Variants in KHDRBS2 observed in about 807,000 individuals in gnomAD.
KHDRBS2 encodes KH RNA binding domain containing, signal transduction associated 2, also known as KH domain-containing, RNA-binding, signal transduction-associated protein 2.
In KHDRBS2, 26 loss-of-function variants were observed where a neutral mutation model predicts 44.3. The ratio of observed to expected loss-of-function variants is 0.59; its 90% confidence interval spans 0.43 to 0.81. The LOEUF (loss-of-function observed/expected upper bound fraction) is 0.81. Among genes scored for constraint, KHDRBS2 ranks in the 40% least tolerant of loss-of-function variants. KHDRBS2 has a pLI of 0.00. For missense variants in KHDRBS2, 476 were observed against 433.1 expected (o/e 1.10, Z -0.88); for synonymous variants, 194 against 151.1 (o/e 1.28, Z -2.08).
intron 6 of KHDRBS2, among the ~76,000 whole-genome samples, chr6:61,817,318 C>A (rs573498333): frequency 2.0e-5 from 3 of 152,036 alleles, no homozygotes; most frequent in Non-Finnish European, 4.4e-5. Context: ...TATCCCAATA[C>A]ATATTAACTT....
chr6:62,030,212 A>C (rs1784095962), intron 3 of KHDRBS2, among the ~76,000 whole-genome samples: 1 of 152,092 alleles, frequency 6.6e-6, no homozygotes, highest in South Asian at 2.1e-4. Context: ...ACTAGTAATA[A>C]GACAAGAATC....
At chr6:61,734,694 A>G (rs1775049282) in intron 6 of KHDRBS2, among the ~76,000 whole-genome samples, 1 of 152,140 alleles carries the variant, frequency 6.6e-6, no homozygotes, top group Admixed American at 6.6e-5. Context: ...TTTTATTCTC[A>G]TACACCTTTT....
chr6:61,561,227 C>T, the KHDRBS2 span, among the ~76,000 whole-genome samples: 1 of 152,168 alleles, frequency 6.6e-6, no homozygotes, highest in Non-Finnish European at 1.5e-5. Flanking sequence ...GTCTCTCACT[C>T]TGTCTCTCTC....
chr6:61,587,363 A>C, the KHDRBS2 span, among the ~76,000 whole-genome samples: 23 of 149,692 alleles, frequency 1.5e-4, no homozygotes, highest in South Asian at 6.4e-4. Context: ...GCTTTTTTTT[A>C]TCTCTCTCTC....
the KHDRBS2 span, among the ~76,000 whole-genome samples, chr6:61,593,165 T>G: frequency 6.6e-6 from 1 of 152,220 alleles, no homozygotes; most frequent in Non-Finnish European, 1.5e-5. Flanking sequence ...AGTGTTCTAG[T>G]AAACTTTCTG....
chr6:61,621,440 A>T, the KHDRBS2 span, among the ~76,000 whole-genome samples: 93 of 152,324 alleles, frequency 6.1e-4, no homozygotes, highest in African/African-American at 2.1e-3. Context: ...GCTTAGAAAG[A>T]GCCCCTTATC....
chr6:61,910,325 A>G (rs1422411780), intron 4 of KHDRBS2, among the ~76,000 whole-genome samples: 1 of 152,210 alleles, frequency 6.6e-6, no homozygotes, highest in African/African-American at 2.4e-5. Context: ...GTAGTCAAAG[A>G]GCAGTCAATT....
chr6:61,680,805 G>A lies in KHDRBS2; in HGVS notation c.*158C>T. 1.7e-6 allele frequency: 1 copy of A among 572,000 alleles called. No homozygotes were observed. Among genetic ancestry groups the A allele is most frequent in the South Asian group, 2.2e-5 (1 of 44,904 alleles). 35.4% of individuals were successfully genotyped at this position (572,000 alleles called of 1,614,324 possible). A position where few individuals can be genotyped will look rare whatever the true frequency, so the allele number is the denominator to read the frequency against. ...GTCAATGTCACGCCAACAGTACAGA[G>A]GGAAATACTAGAAATATATGGGAGT... On this transcript the variant is annotated 3_prime_UTR_variant, in exon 9 of 9. Transcript: ENST00000281156.
intron 2 of KHDRBS2, among the ~76,000 whole-genome samples, chr6:62,119,695 C>A (rs529576929): frequency 6.6e-6 from 1 of 152,298 alleles, no homozygotes; most frequent in African/African-American, 2.4e-5. Context: ...GAGGAAACAG[C>A]CTCCCTGCCC....
At chr6:62,144,128 T>C (rs1457032181) in intron 2 of KHDRBS2, among the ~76,000 whole-genome samples, 1 of 151,876 alleles carries the variant, frequency 6.6e-6, no homozygotes, top group African/African-American at 2.4e-5. Context: ...TTTACCTGTG[T>C]TTCATATTTC....
chr6:62,265,166 G>T (rs1374912314), intron 1 of KHDRBS2, among the ~76,000 whole-genome samples: 1 of 151,824 alleles, frequency 6.6e-6, no homozygotes, highest in East Asian at 1.9e-4. Flanking sequence ...GGGACCCTCG[G>T]AATACTGTTG....
At chr6:61,797,030 G>A (rs989544845) in intron 6 of KHDRBS2, among the ~76,000 whole-genome samples, 1 of 151,862 alleles carries the variant, frequency 6.6e-6, no homozygotes, top group South Asian at 2.1e-4. Flanking sequence ...AGAATAAAAC[G>A]AAGTAGTCTG....
At chr6:61,945,578 C>G (rs551435505) in intron 4 of KHDRBS2, among the ~76,000 whole-genome samples, 2 of 151,870 alleles carry the variant, frequency 1.3e-5, no homozygotes, top group African/African-American at 4.8e-5. Flanking sequence ...TATTTAGAAA[C>G]TTTTTTGCAA....
intron 7 of KHDRBS2, among the ~76,000 whole-genome samples, chr6:61,699,184 T>C (rs1316579835): frequency 6.6e-6 from 1 of 152,010 alleles, no homozygotes; most frequent in Non-Finnish European, 1.5e-5. Context: ...TATAGGACAA[T>C]AGAATAAATT....
chr6:61,589,697 G>A, the KHDRBS2 span, among the ~76,000 whole-genome samples: 1 of 152,128 alleles, frequency 6.6e-6, no homozygotes, highest in African/African-American at 2.4e-5. Flanking sequence ...ATGATTTTCT[G>A]TTTCTATGTC....
chr6:61,936,967 A>T (rs1235810835), intron 4 of KHDRBS2, among the ~76,000 whole-genome samples: 2 of 152,028 alleles, frequency 1.3e-5, no homozygotes, highest in Non-Finnish European at 2.9e-5. Flanking sequence ...TTTAGGACTT[A>T]CTATGTTTAT....
chr6:62,111,965 A>C (rs775109840), intron 2 of KHDRBS2, among the ~76,000 whole-genome samples: 17 of 152,076 alleles, frequency 1.1e-4, no homozygotes, highest in Non-Finnish European at 7.4e-5. Context: ...GGGTCCAAGA[A>C]ATTTGGATTT....
intron 1 of KHDRBS2, among the ~76,000 whole-genome samples, chr6:62,221,447 T>C (rs1209354286): frequency 6.6e-6 from 1 of 152,102 alleles, no homozygotes; most frequent in Non-Finnish European, 1.5e-5. Flanking sequence ...TGAGTAGATA[T>C]TAGCTGCTCT....
At chr6:61,867,437 C>T (rs1797956510) in intron 6 of KHDRBS2, among the ~76,000 whole-genome samples, 1 of 152,134 alleles carries the variant, frequency 6.6e-6, no homozygotes, top group Non-Finnish European at 1.5e-5. Flanking sequence ...CAGCCAAACC[C>T]TATCACTTAC....
Sources: allele counts gnomAD v4.1 joint callset (sites outside exome capture counted in the v4.1 genomes callset), GRCh38; gene constraint gnomAD v4.1.1; transcripts MANE v1.5; gene names NCBI Gene and HGNC (gene_info 2026-07-23, HGNC 2026-07-21).